GJB7: variants seen among roughly 807,000 people sequenced by gnomAD.
GJB7 encodes gap junction beta-7 protein.
For synonymous variants in GJB7, 87 were observed against 95.2 expected (o/e 0.91, Z 0.50); for missense variants, 253 against 256.8 (o/e 0.99, Z 0.10).
intron 2 of GJB7, among the ~76,000 whole-genome samples, chr6:87,317,434 T>C (rs1776599290): frequency 2.2e-5 from 1 of 45,364 alleles, no homozygotes; most frequent in Admixed American, 1.7e-4. Flanking sequence ...AATCTTTTCC[T>C]TTTTTTTTTT....
chr6:87,283,151 T>C lies in GJB7; in HGVS notation c.*1090A>G, dbSNP rs1286946754. On this transcript the variant is annotated 3_prime_UTR_variant, in exon 3 of 3. Coordinates refer to ENST00000525899, the MANE Select transcript of GJB7 (RefSeq NM_198568.3). ...ACATTTTTGCACCACTGTAACAACA[T>C]AGTACACATTTTACTATCTGTCCTA... 2 of 152,246 alleles carry C rather than the reference T, an allele frequency of 1.3e-5. No homozygotes were observed. The highest frequency in any genetic ancestry group is 2.4e-5 in the African/African-American group (1 of 41,468). 9.4% of individuals were successfully genotyped at this position (152,246 alleles called of 1,614,324 possible). A position where few individuals can be genotyped will look rare whatever the true frequency, so the allele number is the denominator to read the frequency against.
At position 87,307,148 on chromosome 6, in the gene GJB7, C is replaced by T. The variant is rs983515150; in HGVS notation, c.-28+15718G>A. 4.0e-5 allele frequency among the ~76,000 whole-genome samples: 6 copies of T among 149,242 alleles called. No homozygotes were observed. In the Admixed American group the frequency reaches 4.0e-4, roughly 10 times the overall value. On this transcript the variant is annotated intron_variant, in intron 2 of 2. Coordinates refer to ENST00000525899, the MANE Select transcript of GJB7 (RefSeq NM_198568.3). ...ATGTAACTAACCTGCACATTGTGCA[C>T]ATGTACCCTAAAACTTAAAGTATAA...
chr6:87,289,295 C>G (rs1220229620), intron 2 of GJB7, among the ~76,000 whole-genome samples: 7 of 152,156 alleles, frequency 4.6e-5, no homozygotes, highest in African/African-American at 1.7e-4. Context: ...CCTCATGCCA[C>G]TTATAAGTTG....
In GJB7 at chr6:87,287,416, T is replaced by C. The variant is rs533027936; in HGVS notation, c.-27-2477A>G. ...ACATGTTCTCTTACAGAGGAAGCAA[T>C]ATAGAGCAAGCCCACATTCCAGAGC... On this transcript the variant is annotated intron_variant, in intron 2 of 2. Transcript: ENST00000525899. Among the ~76,000 whole-genome samples the C allele has an allele frequency of 9.2e-5, 14 of 152,208 alleles. No homozygotes were observed. In the South Asian group the frequency reaches 2.9e-3, roughly 32 times the overall value.
intron 2 of GJB7, among the ~76,000 whole-genome samples, chr6:87,295,901 T>C (rs900588348): frequency 2.0e-5 from 3 of 152,378 alleles, no homozygotes; most frequent in Admixed American, 2.0e-4. Context: ...AGAACTCACA[T>C]ATTACCTAAC....
At chr6:87,327,393 A>C (rs1006259113) in intron 1 of GJB7, among the ~76,000 whole-genome samples, 1 of 151,802 alleles carries the variant, frequency 6.6e-6, no homozygotes, top group Non-Finnish European at 1.5e-5. Flanking sequence ...TGGATGGTAC[A>C]GGTTGTTCCT....
chr6:87,284,118 T>C lies in GJB7; in HGVS notation c.*123A>G, dbSNP rs115377174. ...TGCAGGTTTTCTTTGTTTAACCCTC[T>C]TGTGTGTCACAGAGTAGCTTTGCTT... On this transcript the variant is annotated 3_prime_UTR_variant, in exon 3 of 3. Transcript: ENST00000525899. 2.2e-5 allele frequency: 17 copies of C among 777,604 alleles called. No homozygotes were observed. In the Middle Eastern group the frequency reaches 2.1e-3, roughly 94 times the overall value. 48.2% of individuals were successfully genotyped at this position (777,604 alleles called of 1,614,324 possible). A position where few individuals can be genotyped will look rare whatever the true frequency, so the allele number is the denominator to read the frequency against.
intron 2 of GJB7, among the ~76,000 whole-genome samples, chr6:87,310,804 C>G (rs1327384452): frequency 6.6e-6 from 1 of 152,058 alleles, no homozygotes; most frequent in African/African-American, 2.4e-5. Flanking sequence ...GAACCTTAAC[C>G]AAAACATCTT....
At chr6:87,285,335 A>G (rs1224764239) in intron 2 of GJB7, among the ~76,000 whole-genome samples, 4 of 152,186 alleles carry the variant, frequency 2.6e-5, no homozygotes, top group Admixed American at 2.6e-4. Context: ...TGTCCTTCAC[A>G]TACCAGATTG....
chr6:87,308,395 T>C (rs1776465883), intron 2 of GJB7, among the ~76,000 whole-genome samples: 1 of 152,050 alleles, frequency 6.6e-6, no homozygotes, highest in Non-Finnish European at 1.5e-5. Flanking sequence ...AATTACAGAT[T>C]CTAATTAATA....
chr6:87,303,533 C>A (rs988288965), intron 2 of GJB7, among the ~76,000 whole-genome samples: 5 of 152,278 alleles, frequency 3.3e-5, no homozygotes, highest in Admixed American at 3.3e-4. Context: ...AAAGCAAGCC[C>A]TTAGAGACCT....
intron 2 of GJB7, among the ~76,000 whole-genome samples, chr6:87,315,088 CT>C (rs1352069234): frequency 6.6e-6 from 1 of 152,120 alleles, no homozygotes; most frequent in Admixed American, 6.5e-5. Flanking sequence ...GAAAGCATCT[CT>C]TTTCCACAAA....
chr6:87,289,064 A>G (rs1776117062), intron 2 of GJB7, among the ~76,000 whole-genome samples: 1 of 152,192 alleles, frequency 6.6e-6, no homozygotes, highest in South Asian at 2.1e-4. Context: ...AGTGGTGCCC[A>G]TGCCTGCATC....
At chr6:87,289,636 AT>A (rs1286757781) in intron 2 of GJB7, among the ~76,000 whole-genome samples, 1 of 152,286 alleles carries the variant, frequency 6.6e-6, no homozygotes, top group East Asian at 1.9e-4. Flanking sequence ...TGAGTAAACA[AT>A]GTGCCTGACT....
At chr6:87,305,590 G>A (rs1032388237) in intron 2 of GJB7, among the ~76,000 whole-genome samples, 1 of 152,254 alleles carries the variant, frequency 6.6e-6, no homozygotes, top group East Asian at 1.9e-4. Context: ...TTATGAAAAT[G>A]GCCATACTGC....
chr6:87,305,531 A>G (rs1776411011), intron 2 of GJB7, among the ~76,000 whole-genome samples: 2 of 152,236 alleles, frequency 1.3e-5, no homozygotes, highest in Non-Finnish European at 2.9e-5. Flanking sequence ...AAAAGAGGAT[A>G]CAAACAAATG....
At chr6:87,323,627 G>A (rs1359954741) in intron 1 of GJB7, among the ~76,000 whole-genome samples, 6 of 152,014 alleles carry the variant, frequency 3.9e-5, no homozygotes, top group African/African-American at 9.7e-5. Context: ...TGGCTGCATA[G>A]TATTACATGG....
chr6:87,288,108 G>A (rs974775565), intron 2 of GJB7, among the ~76,000 whole-genome samples: 12 of 151,972 alleles, frequency 7.9e-5, no homozygotes, highest in African/African-American at 2.9e-4. Flanking sequence ...TCACCATATT[G>A]ACTAGGCTGG....
intron 1 of GJB7, among the ~76,000 whole-genome samples, chr6:87,327,495 A>C (rs1776857886): frequency 1.3e-5 from 2 of 150,764 alleles, no homozygotes; most frequent in African/African-American, 4.9e-5. Context: ...AAAGTATTTT[A>C]TTTCTCCTTC....
Sources: allele counts gnomAD v4.1 joint callset (sites outside exome capture counted in the v4.1 genomes callset), GRCh38; gene constraint gnomAD v4.1.1; transcripts MANE v1.5; gene names NCBI Gene and HGNC (gene_info 2026-07-23, HGNC 2026-07-21).